TERB1: variants seen among roughly 807,000 people sequenced by gnomAD.
The protein encoded by TERB1 is telomere repeat binding bouquet formation protein 1, also known as telomere repeats-binding bouquet formation protein 1.
Under a neutral mutation model 92.3 loss-of-function variants are expected in TERB1, and 63 were observed. The ratio of observed to expected loss-of-function variants is 0.68; its 90% confidence interval spans 0.56 to 0.84. The LOEUF is 0.84. Among genes scored for constraint, TERB1 ranks in the 40% least tolerant of loss-of-function variants. TERB1 has a pLI of 0.00. For missense variants in TERB1, 709 were observed against 843.7 expected, an observed-to-expected ratio of 0.84 and a Z score of 1.98; for synonymous variants, 252 against 283.9, an observed-to-expected ratio of 0.89 and a Z score of 1.13.
At chr16:66,787,857 T>C (rs1187229675) in intron 6 of TERB1, among the ~76,000 whole-genome samples, 1 of 152,200 alleles carries the variant, frequency 6.6e-6, no homozygotes, top group African/African-American at 2.4e-5. Context: ...CCAGCACTAT[T>C]TGAGACCAGC....
rs1393019950 is a variant in TERB1 at position 66,786,246 on chromosome 16, G to A, written c.440C>T (p.Thr147Ile). 2 of 1,549,422 alleles carry A rather than the reference G, an allele frequency of 1.3e-6. No homozygotes were observed. Among genetic ancestry groups the A allele is most frequent in the African/African-American group, 1.4e-5 (1 of 72,974 alleles). Residue 147 changes from threonine to isoleucine, a missense_variant, in exon 7 of 19, where the codon ACA becomes ATA. By Grantham distance (89) the Thr-to-Ile change is moderately conservative. Transcript: ENST00000433154. ...QTLVRETGCI[T>I]VLSRLFRTVI... ...TTACCTGAATAACCGTGACAGAACTGTAATACAACCTGTTTCTCTCACAAG... is the reference window on the plus strand; with the variant it reads ...TTACCTGAATAACCGTGACAGAACTATAATACAACCTGTTTCTCTCACAAG...
chr16:66,757,455 A>C (rs966333708), intron 18 of TERB1, among the ~76,000 whole-genome samples: 7 of 152,230 alleles, frequency 4.6e-5, no homozygotes, highest in African/African-American at 9.6e-5. Flanking sequence ...GCCCTTGTCA[A>C]GAACAAGATC....
At chr16:66,771,638 T>TACACAC (rs57620654) in intron 13 of TERB1, among the ~76,000 whole-genome samples, 227 of 143,090 alleles carry the variant, frequency 1.6e-3, no homozygotes, top group African/African-American at 3.8e-3. Context: ...TGTTACAGAA[T>TACACAC]ACACACACAC....
chr16:66,797,663 T>A (rs1359002033), intron 2 of TERB1, among the ~76,000 whole-genome samples: 1 of 96,230 alleles, frequency 1.0e-5, no homozygotes, highest in African/African-American at 4.4e-5. Flanking sequence ...ACACACACAC[T>A]CTTTAGATTG....
Position 66,770,066 on chromosome 16 carries a change from T to G in TERB1, c.1516A>C (p.Arg506=). 1 of 1,551,940 alleles carries G rather than the reference T, an allele frequency of 6.4e-7. No homozygotes were observed. Among genetic ancestry groups the G allele is most frequent in the Non-Finnish European group, 8.7e-7 (1 of 1,147,022 alleles). The change falls in exon 14 of 19, where the codon AGG becomes CGG. Residue 506 remains arginine (R), a synonymous_variant. Coordinates refer to ENST00000433154, the MANE Select transcript of TERB1 (RefSeq NM_001136505.2). Reference sequence around the variant, plus strand: ...AAAGTCTTATTTTGCTCACTCTCCCTGTAACAAGCATGGACTGGATTTGCG... The same window carrying G: ...AAAGTCTTATTTTGCTCACTCTCCCGGTAACAAGCATGGACTGGATTTGCG... ...KSANPVHACY[R]ESEQNKTLYK...
chr16:66,765,084 T>C (rs2018315987), intron 16 of TERB1, among the ~76,000 whole-genome samples: 2 of 152,160 alleles, frequency 1.3e-5, no homozygotes, highest in African/African-American at 2.4e-5. Context: ...AAGAGAGAGA[T>C]AAAGGTGAAG....
intron 16 of TERB1, among the ~76,000 whole-genome samples, chr16:66,761,089 G>C (rs1597008060): frequency 8.0e-6 from 1 of 125,726 alleles, no homozygotes. Context: ...CAACCTGGGC[G>C]ACAGAGCGAG....
chr16:66,755,237 G>T, intron 18 of TERB1, 74 bp from the exon 19 acceptor site: 3 of 883,400 alleles, frequency 3.4e-6, no homozygotes, highest in Non-Finnish European at 5.3e-6. Flanking sequence ...TGCTTATTTG[G>T]ATATGCTTAA....
chr16:66,783,731 T>C (rs956716291), intron 9 of TERB1, among the ~76,000 whole-genome samples: 2 of 152,130 alleles, frequency 1.3e-5, no homozygotes, highest in Non-Finnish European at 2.9e-5. Flanking sequence ...GTTGTTGTTG[T>C]TGTTGTTGTT....
intron 3 of TERB1, among the ~76,000 whole-genome samples, chr16:66,793,021 ATTTT>A (rs1034273179): frequency 6.0e-5 from 9 of 151,032 alleles, no homozygotes; most frequent in Non-Finnish European, 1.0e-4. Flanking sequence ...ATTTTATTTT[ATTTT>A]ATTTTGCACT....
chr16:66,799,544 T>C (rs1959223254), intron 2 of TERB1, among the ~76,000 whole-genome samples: 4 of 151,988 alleles, frequency 2.6e-5, no homozygotes, highest in Admixed American at 2.6e-4. Context: ...GGGTAATGTA[T>C]AACTTTTAAA....
At chr16:66,760,375 C>T (rs1256687855) in intron 16 of TERB1, among the ~76,000 whole-genome samples, 1 of 140,318 alleles carries the variant, frequency 7.1e-6, no homozygotes, top group African/African-American at 2.7e-5. Context: ...AGGAGAATCA[C>T]TTGAACCCGC....
intron 16 of TERB1, among the ~76,000 whole-genome samples, chr16:66,762,638 C>A (rs2018271811): frequency 6.6e-6 from 1 of 151,724 alleles, no homozygotes; most frequent in African/African-American, 2.4e-5. Flanking sequence ...CTCCCCTCAG[C>A]CTCCCAAAGT....
At chr16:66,786,810 G>A (rs1346265302) in intron 6 of TERB1, among the ~76,000 whole-genome samples, 1 of 152,112 alleles carries the variant, frequency 6.6e-6, no homozygotes, top group African/African-American at 2.4e-5. Flanking sequence ...GCAGAAGAAG[G>A]TGAGGCTTGA....
chr16:66,778,875 T>C lies in TERB1; in HGVS notation c.841A>G (p.Ile281Val), dbSNP rs1359484757. ...VVVTKTVDAC[I>V]ADNPTFGIVL... Reference sequence around the variant, plus strand: ...CACTGTCACTCACGATTATCAGCAATGCATGCATCCACAGTCTTCGTCACA... The same window carrying C: ...CACTGTCACTCACGATTATCAGCAACGCATGCATCCACAGTCTTCGTCACA... The change falls in exon 10 of 19, where the codon ATT (isoleucine) becomes GTT (valine). Residue 281 changes from isoleucine to valine, a missense_variant. Physicochemically the swap from Ile to Val is conservative, Grantham distance 29. Transcript: ENST00000433154. 1 of 1,499,576 alleles carries C rather than the reference T, an allele frequency of 6.7e-7. No homozygotes were observed. The highest frequency in any genetic ancestry group is 9.0e-7 in the Non-Finnish European group (1 of 1,112,570). The allele number at this position is 1,499,576 out of a possible 1,614,324, so 92.9% of individuals were successfully genotyped here.
intron 11 of TERB1, among the ~76,000 whole-genome samples, chr16:66,776,659 G>T (rs908413202): frequency 6.6e-6 from 1 of 151,894 alleles, no homozygotes; most frequent in African/African-American, 2.4e-5. Flanking sequence ...AAAGTGGAGA[G>T]AATTGGTAAG....
Position 66,790,745 on chromosome 16 carries a change from AAC to A in TERB1, c.143-24_143-23del, listed in dbSNP as rs2018818839. The A allele has an allele frequency of 1.9e-6, 3 of 1,546,880 alleles. No homozygotes were observed. The African/African-American group carries it at 4.1e-5, about 21-fold the overall frequency. On this transcript the variant is annotated intron_variant, in intron 4 of 18. Transcript: ENST00000433154. ...TTACCTGTAGGATGTGCAGAAAAAA[AAC>A]AAAATAGAAATGATATTTATTTTCA... is the stretch of plus-strand genomic sequence containing the variant.
chr16:66,767,720 T>C (rs1240970359), intron 15 of TERB1, among the ~76,000 whole-genome samples: 1 of 151,884 alleles, frequency 6.6e-6, no homozygotes, highest in Non-Finnish European at 1.5e-5. Context: ...AGAGGGCCAA[T>C]ATAGCAATGG....
At chr16:66,756,950 A>G (rs1358871366) in intron 18 of TERB1, among the ~76,000 whole-genome samples, 1 of 152,192 alleles carries the variant, frequency 6.6e-6, no homozygotes, top group East Asian at 1.9e-4. Context: ...TCAAAACACC[A>G]ATCCATCCTG....
Sources: allele counts gnomAD v4.1 joint callset (sites outside exome capture counted in the v4.1 genomes callset), GRCh38; gene constraint gnomAD v4.1.1; transcripts MANE v1.5; gene names NCBI Gene and HGNC (gene_info 2026-07-23, HGNC 2026-07-21).